Variants in PPARA observed in about 807,000 individuals in gnomAD.
PPARA encodes peroxisome proliferator-activated receptor alpha.
In PPARA, 22 loss-of-function variants were observed where a neutral mutation model predicts 42.2. The observed-to-expected ratio is 0.52, with a 90% confidence interval of 0.37 to 0.74. The LOEUF is 0.74. PPARA is among the 30% of genes least tolerant of loss of function. The pLI is 0.00. For missense variants in PPARA, 465 were observed against 608.2 expected, an observed-to-expected ratio of 0.76 and a Z score of 2.48; for synonymous variants, 242 against 239.3, an observed-to-expected ratio of 1.01 and a Z score of -0.10.
At position 46,219,927 on chromosome 22, in the gene PPARA, G is replaced by C; in HGVS notation, c.624G>C (p.Lys208Asn). The change falls in exon 7 of 9, where the codon AAG (lysine) becomes AAC (asparagine). Residue 208 changes from lysine (K) to asparagine (N), a missense_variant. Lys to Asn is a moderately conservative substitution (Grantham distance 94, BLOSUM62 0). Transcript: ENST00000407236. The surrounding 1 kb of genome is among the most constrained non-coding windows in gnomAD (Gnocchi z 4.8). The stretch of plus-strand genomic sequence containing the variant: ...CTGCAGATCTCAAATCTCTGGCCAA[G>C]AGAATCTACGAGGCCTACTTGAAGA... Reference protein sequence around the residue: ...SETADLKSLAKRIYEAYLKNF... With the variant: ...SETADLKSLANRIYEAYLKNF... 3 of 1,614,222 alleles carry C rather than the reference G, an allele frequency of 1.9e-6. No individual in the cohort carries two copies. The highest frequency in any genetic ancestry group is 2.5e-6 in the Non-Finnish European group (3 of 1,180,052).
At position 46,239,500 on chromosome 22, in the gene PPARA, T is replaced by A. The variant is rs1936310165; in HGVS notation, c.*4120T>A. The A allele has an allele frequency of 6.8e-6, 1 of 147,834 alleles. No individual in the cohort carries two copies. The highest frequency in any genetic ancestry group is 1.5e-5 in the Non-Finnish European group (1 of 67,176). The allele number at this position is 147,834 out of a possible 1,614,324, so 9.2% of individuals were successfully genotyped here. On this transcript the variant is annotated 3_prime_UTR_variant, in exon 9 of 9. Coordinates refer to ENST00000407236, the MANE Select transcript of PPARA (RefSeq NM_005036.6). ...ACACACAGGGGAGCAGCATCTCGTA[T>A]GACGTCTGGAAGGAACTTCGGTTGT...
Position 46,237,414 on chromosome 22 carries a change from A to G in PPARA, c.*2034A>G, listed in dbSNP as rs937867156. On this transcript the variant is annotated 3_prime_UTR_variant, in exon 9 of 9. Coordinates refer to ENST00000407236, the MANE Select transcript of PPARA (RefSeq NM_005036.6). This position sits in a 1 kb window ranked among gnomAD's most constrained non-coding sequence, Gnocchi z 6.7. ...GGAGTTCGAGACCAGCCTAGGCAAC[A>G]TAGCAAGACCCTGTCTGTACACAAA... The G allele has an allele frequency of 1.3e-5, 2 of 152,516 alleles. No homozygotes were observed. The allele number at this position is 152,516 out of a possible 1,614,324, so 9.4% of individuals were successfully genotyped here. A position where few individuals can be genotyped will look rare whatever the true frequency, so the allele number is the denominator to read the frequency against.
intron 6 of PPARA, among the ~76,000 whole-genome samples, chr22:46,218,693 G>A (rs1230924602): frequency 6.6e-6 from 1 of 151,818 alleles, no homozygotes; most frequent in Admixed American, 6.6e-5. Context: ...AATTAGCTGG[G>A]TGTGGTGGCA....
intron 5 of PPARA, among the ~76,000 whole-genome samples, chr22:46,217,190 T>A (rs1934569541): frequency 6.6e-6 from 1 of 152,088 alleles, no homozygotes. Context: ...GGTAAGGACA[T>A]TATGAAGACG....
In PPARA at chr22:46,235,964, T is replaced by C. The variant is rs1385984431; in HGVS notation, c.*584T>C. 1.8e-5 allele frequency: 3 copies of C among 163,150 alleles called. No homozygotes were observed. Among genetic ancestry groups the C allele is most frequent in the Admixed American group, 1.7e-4 (3 of 17,290 alleles). 10.1% of individuals were successfully genotyped at this position (163,150 alleles called of 1,614,324 possible). A position where few individuals can be genotyped will look rare whatever the true frequency, so the allele number is the denominator to read the frequency against. Reference sequence around the variant, plus strand: ...AGGATGGAGAATTTTAAAGAACTGTTTGGGCCAGGCACAGTCGCTCATACT... The same window carrying C: ...AGGATGGAGAATTTTAAAGAACTGTCTGGGCCAGGCACAGTCGCTCATACT... On this transcript the variant is annotated 3_prime_UTR_variant, in exon 9 of 9. Coordinates refer to ENST00000407236, the MANE Select transcript of PPARA (RefSeq NM_005036.6). The surrounding 1 kb of genome is among the most constrained non-coding windows in gnomAD (Gnocchi z 7.0).
At position 46,167,355 on chromosome 22, in the gene PPARA, G is replaced by A. The variant is rs536084172; in HGVS notation, c.-126-9398G>A. Among the ~76,000 whole-genome samples, 131 of 151,994 alleles carry A rather than the reference G, an allele frequency of 8.6e-4. No homozygotes were observed. Among genetic ancestry groups the A allele is most frequent in the African/African-American group, 2.7e-3 (113 of 41,444 alleles). On this transcript the variant is annotated intron_variant, in intron 2 of 8. Transcript: ENST00000407236. The surrounding 1 kb of genome is among the most constrained non-coding windows in gnomAD (Gnocchi z 4.1). Reference sequence around the variant, plus strand: ...ATTGAAATGGGTCATAGATCTAATTGTAAGAGTTAAAACCATCCAGGTACA... The same window carrying A: ...ATTGAAATGGGTCATAGATCTAATTATAAGAGTTAAAACCATCCAGGTACA...
intron 2 of PPARA, among the ~76,000 whole-genome samples, chr22:46,174,909 T>G (rs1301515202): frequency 6.6e-6 from 1 of 152,002 alleles, no homozygotes; most frequent in Non-Finnish European, 1.5e-5. Context: ...TAATTGTAGT[T>G]TTTTTTACTT....
At position 46,157,799 on chromosome 22, in the gene PPARA, T is replaced by G. The variant is rs560664447; in HGVS notation, c.-127+5829T>G. Among the ~76,000 whole-genome samples, 5 of 152,248 alleles carry G rather than the reference T, an allele frequency of 3.3e-5. No homozygotes were observed. In the East Asian group the frequency reaches 9.7e-4, roughly 29 times the overall value. On this transcript the variant is annotated intron_variant, in intron 2 of 8. Transcript: ENST00000407236. The stretch of plus-strand genomic sequence containing the variant: ...ATTCCCAGGAGAAATTGGAGAAAAC[T>G]CAGATGAAATATCGTCTGTGTTCCA...
intron 3 of PPARA, among the ~76,000 whole-genome samples, chr22:46,189,409 G>A (rs948490893): frequency 1.3e-5 from 2 of 152,228 alleles, no homozygotes; most frequent in Non-Finnish European, 2.9e-5. Context: ...CTTGTGCCAT[G>A]TTGGGCTTGT....
rs56838159 is a variant in PPARA at position 46,191,485 on chromosome 22, G to GT, written c.-42-6841dup. ...GTTCCTCCCTATTGTGTTCAGTATG[G>GT]TTTTTTTTTTTTTTTTCCTTTTGCT... On this transcript the variant is annotated intron_variant, in intron 3 of 8. Coordinates refer to ENST00000407236, the MANE Select transcript of PPARA (RefSeq NM_005036.6). The surrounding 1 kb of genome is among the most constrained non-coding windows in gnomAD (Gnocchi z 4.6). Among the ~76,000 whole-genome samples, 6,491 of 137,212 alleles carry GT rather than the reference G, an allele frequency of 0.047. 143 individuals are homozygous for GT. The highest frequency in any genetic ancestry group is 0.052 in the Non-Finnish European group (3,265 of 62,568). The allele number at this position is 137,212 out of a possible 152,430, so 90.0% of individuals were successfully genotyped here.
chr22:46,179,561 C>T (rs1487710567), intron 3 of PPARA, among the ~76,000 whole-genome samples: 2 of 151,880 alleles, frequency 1.3e-5, no homozygotes, highest in Non-Finnish European at 2.9e-5. Flanking sequence ...CAAAAATTAA[C>T]TCAAAATAGA....
At chr22:46,223,136 A>T (rs1395016642) in intron 7 of PPARA, among the ~76,000 whole-genome samples, 1 of 152,188 alleles carries the variant, frequency 6.6e-6, no homozygotes, top group African/African-American at 2.4e-5. Context: ...AGCCTAGGCG[A>T]CAAAGCGAGA....
At chr22:46,186,885 A>G (rs1370326472) in intron 3 of PPARA, among the ~76,000 whole-genome samples, 1 of 152,100 alleles carries the variant, frequency 6.6e-6, no homozygotes, top group Non-Finnish European at 1.5e-5. Context: ...ATGCATACCT[A>G]TGATAAAGTT....
intron 2 of PPARA, chr22:46,176,008 C>T (rs992856599): frequency 6.6e-6 from 1 of 152,248 alleles, no homozygotes; most frequent in South Asian, 2.1e-4. Context: ...GGCACGGTGG[C>T]TCACACCTGT....
chr22:46,211,570 A>C lies in PPARA; in HGVS notation c.209-3603A>C, dbSNP rs1933937862. The stretch of plus-strand genomic sequence containing the variant: ...CTGCATTTCACCCTGGGATCCTCCA[A>C]CCTCCTAAGTTATTTTTGTTTTATT... On this transcript the variant is annotated intron_variant, in intron 4 of 8. Coordinates refer to ENST00000407236, the MANE Select transcript of PPARA (RefSeq NM_005036.6). The surrounding 1 kb of genome is among the most constrained non-coding windows in gnomAD (Gnocchi z 4.1). Among the ~76,000 whole-genome samples the C allele has an allele frequency of 6.6e-6, 1 of 152,108 alleles. No individual in the cohort carries two copies. The highest frequency in any genetic ancestry group is 2.4e-5 in the African/African-American group (1 of 41,420).
intron 3 of PPARA, among the ~76,000 whole-genome samples, chr22:46,185,620 C>A (rs1252646978): frequency 6.6e-6 from 1 of 151,658 alleles, no homozygotes. Flanking sequence ...TCTGGCTGGG[C>A]GCGGTGGCTC....
At chr22:46,210,977 C>T (rs1196309533) in intron 4 of PPARA, among the ~76,000 whole-genome samples, 1 of 152,114 alleles carries the variant, frequency 6.6e-6, no homozygotes, top group Non-Finnish European at 1.5e-5. Flanking sequence ...CACCTGATGC[C>T]CCATGACTTC....
In PPARA at chr22:46,232,449, C is replaced by G. The variant is rs1185428675; in HGVS notation, c.1159+210C>G. Among the ~76,000 whole-genome samples, 1 of 151,722 alleles carries G rather than the reference C, an allele frequency of 6.6e-6. No homozygotes were observed. The highest frequency in any genetic ancestry group is 2.4e-5 in the African/African-American group (1 of 41,338). On this transcript the variant is annotated intron_variant, in intron 8 of 8. Coordinates refer to ENST00000407236, the MANE Select transcript of PPARA (RefSeq NM_005036.6). The surrounding 1 kb of genome is among the most constrained non-coding windows in gnomAD (Gnocchi z 5.3). ...ATATTATAGTATATATTGTTATTAT[C>G]TATAAATACATATTTAATATTATGT...
At chr22:46,174,993 C>T (rs2147223128) in intron 2 of PPARA, among the ~76,000 whole-genome samples, 1 of 151,732 alleles carries the variant, frequency 6.6e-6, no homozygotes, top group Non-Finnish European at 1.5e-5. Context: ...GTGACTGCAA[C>T]CTCTGTCTCC....
Sources: allele counts gnomAD v4.1 joint callset (sites outside exome capture counted in the v4.1 genomes callset), GRCh38; gene constraint gnomAD v4.1.1; non-coding constraint Gnocchi (gnomAD v3.1); transcripts MANE v1.5; gene names NCBI Gene and HGNC (gene_info 2026-07-23, HGNC 2026-07-21).